Variants in THBS2 observed in about 807,000 individuals in gnomAD.
The protein encoded by THBS2 is thrombospondin 2, also known as thrombospondin-2.
Under a neutral mutation model 135.2 loss-of-function variants are expected in THBS2, and 47 were observed. That is an observed-to-expected ratio of 0.35 (90% confidence interval 0.28 to 0.44). The LOEUF (loss-of-function observed/expected upper bound fraction) is 0.44. Ranked by LOEUF, THBS2 falls within the 20% of genes least tolerant of loss-of-function variation. THBS2 has a pLI of 1.00. For synonymous variants in THBS2, 639 were observed against 633.8 expected (o/e 1.01, Z -0.12); for missense variants, 1,288 against 1,603.1 (o/e 0.80, Z 3.36).
At chr6:169,235,290 G>A (rs1779994467) in intron 9 of THBS2, among the ~76,000 whole-genome samples, 1 of 151,946 alleles carries the variant, frequency 6.6e-6, no homozygotes, top group Admixed American at 6.5e-5. Context: ...CCACAGTGCT[G>A]GGATTACAGG....
In THBS2 at chr6:169,246,089, A is replaced by G. The variant is rs550824026; in HGVS notation, c.694+108T>C. 16 of 886,804 alleles carry G rather than the reference A, an allele frequency of 1.8e-5. No individual in the cohort carries two copies. In the African/African-American group the frequency reaches 2.5e-4, roughly 14 times the overall value. The allele number at this position is 886,804 out of a possible 1,614,324, so 54.9% of individuals were successfully genotyped here. A position where few individuals can be genotyped will look rare whatever the true frequency, so the allele number is the denominator to read the frequency against. On this transcript the variant is annotated intron_variant, in intron 4 of 21. Transcript: ENST00000617924. ...TAGTTACCCAAATATTTTTACTTAA[A>G]TTTTTACAAGCATGAATGCACACAC...
chr6:169,221,551 G>T, intron 19 of THBS2, 24 bp from the exon 20 acceptor site: 1 of 1,610,360 alleles, frequency 6.2e-7, no homozygotes, highest in South Asian at 1.1e-5. Context: ...TAGCACTCTT[G>T]AGTGCCATGG....
In THBS2 at chr6:169,237,749, C is replaced by A. The variant is rs1163559829; in HGVS notation, c.1176G>T (p.Gln392His). The change falls in exon 8 of 22, where the codon CAG (glutamine) becomes CAT (histidine). Residue 392 changes from glutamine (Q) to histidine (H), a missense_variant. Around this residue, in one of 2 missense-constraint regions of THBS2, gnomAD observed 874 missense variants for 1,156.1 expected, o/e 0.76. Transcript: ENST00000617924. ...EGWSPWAEWT[Q>H]CSVTCGSGTQ... ...TCCCAGAGCCACACGTCACGGAGCA[C>A]TGGGTCCACTCTGCCCACGGAGACC... The A allele has an allele frequency of 6.2e-7, 1 of 1,612,280 alleles. No homozygotes were observed. Among genetic ancestry groups the A allele is most frequent in the South Asian group, 1.1e-5 (1 of 91,080 alleles).
chr6:169,226,950 A>G (rs9505921), intron 15 of THBS2, among the ~76,000 whole-genome samples: 1 of 152,000 alleles, frequency 6.6e-6, no homozygotes, highest in African/African-American at 2.4e-5. Context: ...GAACACCTAA[A>G]AAATAAAAAT....
At position 169,241,288 on chromosome 6, in the gene THBS2, C is replaced by T. The variant is rs73043897; in HGVS notation, c.891+474G>A. On this transcript the variant is annotated intron_variant, in intron 5 of 21. Coordinates refer to ENST00000617924, the MANE Select transcript of THBS2 (RefSeq NM_003247.5). The surrounding 1 kb of genome is among the most constrained non-coding windows in gnomAD (Gnocchi z 5.5). Reference sequence around the variant, plus strand: ...AGGCATCGCTCTCTCTTCCTGGCCGCGCTGTGCCGCTCAAACCCATTTCAC... The same window carrying T: ...AGGCATCGCTCTCTCTTCCTGGCCGTGCTGTGCCGCTCAAACCCATTTCAC... Among the ~76,000 whole-genome samples, 16,375 of 152,162 alleles carry T rather than the reference C, an allele frequency of 0.11. 1,092 individuals are homozygous for T. The highest frequency in any genetic ancestry group is 0.14 in the Non-Finnish European group (9,853 of 67,984).
intron 14 of THBS2, among the ~76,000 whole-genome samples, 170 bp downstream of exon 14, chr6:169,229,402 C>T (rs1358412707): frequency 7.9e-5 from 12 of 152,268 alleles, no homozygotes; most frequent in Admixed American, 5.2e-4. Context: ...AGGTAAAATC[C>T]GCTTTTGCAA....
At chr6:169,220,736 G>A (rs73043851) in intron 20 of THBS2, among the ~76,000 whole-genome samples, 32,839 of 152,090 alleles carry the variant, frequency 0.22, 3,793 homozygotes, top group Non-Finnish European at 0.25. Flanking sequence ...TGGAAGCTGC[G>A]TGGGAGCAGG....
At position 169,226,243 on chromosome 6, in the gene THBS2, G is replaced by A; in HGVS notation, c.2475C>T (p.Asp825=). 1 of 1,614,166 alleles carries A rather than the reference G, an allele frequency of 6.2e-7. No individual in the cohort carries two copies. Among genetic ancestry groups the A allele is most frequent in the Non-Finnish European group, 8.5e-7 (1 of 1,180,000 alleles). The change falls in exon 16 of 22, where the codon GAC becomes GAT. Residue 825 remains aspartate, a synonymous_variant. Transcript: ENST00000617924. The part of the protein sequence containing the change: ...CPYVYNTDQR[D]TDGDGVGDHC... ...GATCCCCCACACCGTCACCATCCGTGTCCCTCTGGTCAGTGTTGTAGACGT... is the reference window on the plus strand; with the variant it reads ...GATCCCCCACACCGTCACCATCCGTATCCCTCTGGTCAGTGTTGTAGACGT...
At chr6:169,243,005 C>CA (rs1562363418) in intron 4 of THBS2, among the ~76,000 whole-genome samples, 2 of 107,342 alleles carry the variant, frequency 1.9e-5, no homozygotes, top group Admixed American at 1.0e-4. Context: ...ACCTTCCCAC[C>CA]TTCCCACATT....
At position 169,248,401 on chromosome 6, in the gene THBS2, TCCCTGCAGAGCGTA is replaced by T; in HGVS notation, c.609+2_609+15del. The T allele has an allele frequency of 6.3e-7, 1 of 1,588,112 alleles. No homozygotes were observed. The highest frequency in any genetic ancestry group is 8.6e-7 in the Non-Finnish European group (1 of 1,162,378). ...TCTTTCCTCCCTCACGGCGGCCACC[TCCCTGCAGAGCGTA>T]CCCTGAAGTGACTCTCTCTGGCAGA... On this transcript the variant is annotated splice_donor_variant and splice_donor_5th_base_variant and intron_variant, in intron 3 of 21. Coordinates refer to ENST00000617924, the MANE Select transcript of THBS2 (RefSeq NM_003247.5). LOFTEE classifies it high-confidence loss of function.
chr6:169,240,841 C>G (rs746959030), intron 5 of THBS2, among the ~76,000 whole-genome samples: 1 of 152,070 alleles, frequency 6.6e-6, no homozygotes, highest in African/African-American at 2.4e-5. Context: ...GCGGAAATCG[C>G]GTGGCTCACA....
rs757205213 is a variant in THBS2 at position 169,232,241 on chromosome 6, T to C, written c.1933-43A>G. 10 of 1,605,334 alleles carry C rather than the reference T, an allele frequency of 6.2e-6. No homozygotes were observed. The South Asian group carries it at 1.1e-4, about 18-fold the overall frequency. The stretch of plus-strand genomic sequence containing the variant: ...GCGGGGTTAGCGACAGGCAGGACGA[T>C]GGCTCCGGAGGCGTCGAGGCGGGGC... On this transcript the variant is annotated intron_variant, in intron 12 of 21. Coordinates refer to ENST00000617924, the MANE Select transcript of THBS2 (RefSeq NM_003247.5).
rs1398345910 is a variant in THBS2, at chr6:169,253,796, C to G, written c.-95G>C. On this transcript the variant is annotated 5_prime_UTR_variant, in exon 1 of 22. Coordinates refer to ENST00000617924, the MANE Select transcript of THBS2 (RefSeq NM_003247.5). ...CCGAGTCAGAAAGGCGCAGGCTCTG[C>G]TGGAGCGAGAGACCGGCCCTGCAGT... 1 of 152,258 alleles carries G rather than the reference C, an allele frequency of 6.6e-6. No homozygotes were observed. The highest frequency in any genetic ancestry group is 2.1e-4 in the South Asian group (1 of 4,836). 9.4% of individuals were successfully genotyped at this position (152,258 alleles called of 1,614,324 possible).
chr6:169,217,796 A>G lies in THBS2; in HGVS notation c.*26T>C, dbSNP rs765462074. On this transcript the variant is annotated 3_prime_UTR_variant, in exon 22 of 22. Transcript: ENST00000617924. ...CTAGGGACCATGGCATGCACAGGGC[A>G]TTGCCGGAAATGCAGCAAATCTTGT... is the stretch of plus-strand genomic sequence containing the variant. 8.1e-6 allele frequency: 13 copies of G among 1,611,576 alleles called. No homozygotes were observed. The highest frequency in any genetic ancestry group is 5.0e-5 in the Admixed American group (3 of 59,760).
rs769209360 is a variant in THBS2 at position 169,222,186 on chromosome 6, G to A, written c.3273+11C>T. The A allele has an allele frequency of 1.3e-6, 2 of 1,589,066 alleles. No homozygotes were observed. The highest frequency in any genetic ancestry group is 1.7e-5 in the Admixed American group (1 of 59,360). On this transcript the variant is annotated intron_variant, in intron 19 of 21. Coordinates refer to ENST00000617924, the MANE Select transcript of THBS2 (RefSeq NM_003247.5). ...CAGAGGAGATGTGTGGGCCTGGCCA[G>A]CCAACCTCACCTGCCCCGGCGTGTT...
At chr6:169,229,277 C>T (rs1583408956) in intron 14 of THBS2, among the ~76,000 whole-genome samples, 2 of 152,328 alleles carry the variant, frequency 1.3e-5, no homozygotes, top group East Asian at 3.9e-4. Context: ...GTCAGCCTTG[C>T]CCATCACTGG....
At chr6:169,223,991 A>C (rs1240034290) in intron 17 of THBS2, among the ~76,000 whole-genome samples, 3 of 152,130 alleles carry the variant, frequency 2.0e-5, no homozygotes, top group African/African-American at 7.2e-5. Context: ...GGGTTGTGGC[A>C]TGGTGGGGAG....
chr6:169,251,910 A>G (rs1780769000), intron 1 of THBS2: 2 of 147,362 alleles, frequency 1.4e-5, no homozygotes, highest in African/African-American at 5.0e-5. Flanking sequence ...TGGCTCCGGA[A>G]GCAGCACGGC....
At position 169,233,946 on chromosome 6, in the gene THBS2, G is replaced by A. The variant is rs952329315; in HGVS notation, c.1651+788C>T. On this transcript the variant is annotated intron_variant, in intron 10 of 21. Transcript: ENST00000617924. ...TGTTCCAGACCATACAACTGCCCACGCACCACCTTCTACAACACATAACTA... is the reference window on the plus strand; with the variant it reads ...TGTTCCAGACCATACAACTGCCCACACACCACCTTCTACAACACATAACTA... Among the ~76,000 whole-genome samples the A allele has an allele frequency of 4.1e-5, 6 of 146,256 alleles. 1 individual carries two copies. The highest frequency in any genetic ancestry group is 2.3e-4 in the South Asian group (1 of 4,388).
Sources: gnomAD v4.1 joint callset for allele counts (sites outside exome capture counted in the v4.1 genomes callset) on GRCh38, gnomAD v4.1.1 for gene constraint, gnomAD v4.1.1 regional missense constraint, Gnocchi (gnomAD v3.1) non-coding constraint, MANE v1.5 for transcripts, NCBI Gene and HGNC (gene_info 2026-07-23, HGNC 2026-07-21) for gene names.